The following ACTA2 variants were observed in gnomAD, a reference collection of about 807,000 sequenced individuals.
ACTA2 encodes actin alpha 2, smooth muscle, also known as actin, aortic smooth muscle.
A neutral mutation model predicts 39.5 loss-of-function variants in ACTA2; 12 were observed. That is an observed-to-expected ratio of 0.30 (90% CI 0.19 to 0.49). The LOEUF is 0.49. ACTA2 is among the 20% of genes least tolerant of loss of function. The pLI, the probability that ACTA2 is intolerant of heterozygous loss-of-function variation, is 0.99. For missense variants in ACTA2, 236 were observed against 498.8 expected (o/e 0.47, Z 5.02); for synonymous variants, 158 against 180.6 (o/e 0.88, Z 1.00).
At position 88,939,328 on chromosome 10, in the gene ACTA2, C is replaced by A. The variant is rs1436432847; in HGVS notation, c.808+179G>T. On this transcript the variant is annotated intron_variant, in intron 7 of 8. Coordinates refer to ENST00000224784, the MANE Select transcript of ACTA2 (RefSeq NM_001613.4). ...AGATAGTGTTTTCTTAGGAAGAAAA[C>A]CTTTTTCCTGGCCTCATTATGTCTT... 11 of 752,428 alleles carry A rather than the reference C, an allele frequency of 1.5e-5. No individual in the cohort carries two copies. In the East Asian group the frequency reaches 2.6e-4, roughly 18 times the overall value. The allele number at this position is 752,428 out of a possible 1,614,324, so 46.6% of individuals were successfully genotyped here. A position where few individuals can be genotyped will look rare whatever the true frequency, so the allele number is the denominator to read the frequency against.
chr10:88,941,497 T>A, intron 5 of ACTA2, 107 bp from the exon 6 acceptor site: 1 of 1,445,890 alleles, frequency 6.9e-7, no homozygotes, highest in South Asian at 1.2e-5. Context: ...GAGCCTCTTA[T>A]TTAAAAAGAG....
rs577253682 is a variant in ACTA2, at chr10:88,975,621, C to T, written c.-24+15318G>A. ...GGCCCTGACTACTTTTCCACTGGAT[C>T]GTAAGTTCCATGAGAGTAGGATTTT... On this transcript the variant is annotated intron_variant, in intron 1 of 4. Transcript: ENST00000415557. Among the ~76,000 whole-genome samples, 19 of 151,560 alleles carry T rather than the reference C, an allele frequency of 1.3e-4. No individual in the cohort carries two copies. In the East Asian group the frequency reaches 2.3e-3, roughly 19 times the overall value.
intron 1 of ACTA2, among the ~76,000 whole-genome samples, chr10:88,962,183 T>G (rs926641628): frequency 6.6e-6 from 1 of 152,194 alleles, no homozygotes; most frequent in African/African-American, 2.4e-5. Context: ...CCACTTTTTA[T>G]GAGAAGGTAG....
At chr10:88,976,833 T>A (rs1201868801) in intron 1 of ACTA2, among the ~76,000 whole-genome samples, 2 of 152,222 alleles carry the variant, frequency 1.3e-5, no homozygotes, top group Non-Finnish European at 2.9e-5. Context: ...GTTTGAAAAT[T>A]GAATAAAATA....
upstream of ACTA2, among the ~76,000 whole-genome samples, chr10:88,956,439 C>A (rs538070533): frequency 2.6e-5 from 4 of 152,268 alleles, no homozygotes; most frequent in East Asian, 1.9e-4. Flanking sequence ...CTTAGAAGGA[C>A]CTTCGTGAAT....
rs1847071251 is a variant in ACTA2, at chr10:88,990,030, G to C, written c.-24+909C>G. On this transcript the variant is annotated intron_variant, in intron 1 of 4. Transcript: ENST00000415557. This position sits in a 1 kb window ranked among gnomAD's most constrained non-coding sequence, Gnocchi z 4.9. ...TAAAGAAAATTGGCCAGGAAATAAT[G>C]AGTAACGAAGGACAGGAAGTAATTG... Among the ~76,000 whole-genome samples, 1 of 152,164 alleles carries C rather than the reference G, an allele frequency of 6.6e-6. No individual in the cohort carries two copies. Among genetic ancestry groups the C allele is most frequent in the Non-Finnish European group, 1.5e-5 (1 of 68,030 alleles).
intron 1 of ACTA2, among the ~76,000 whole-genome samples, chr10:88,989,128 A>G (rs1223281517): frequency 1.3e-5 from 2 of 152,170 alleles, no homozygotes; most frequent in East Asian, 1.9e-4. Flanking sequence ...TTATTTGTAA[A>G]GTAAGTTTAA....
At chr10:88,953,306 T>C (rs997749392), upstream of ACTA2, among the ~76,000 whole-genome samples, 3 of 152,136 alleles carry the variant, frequency 2.0e-5, no homozygotes, top group Admixed American at 1.3e-4. Context: ...TGTTTATAAA[T>C]CAAGTTCTTG....
chr10:88,989,412 A>T (rs199629461), intron 1 of ACTA2: 10 of 501,374 alleles, frequency 2.0e-5, no homozygotes, highest in African/African-American at 3.9e-5. Context: ...TGCAGAGATA[A>T]TACAGAGAAT....
At chr10:88,961,310 G>A (rs1846222945) in intron 1 of ACTA2, among the ~76,000 whole-genome samples, 1 of 152,298 alleles carries the variant, frequency 6.6e-6, no homozygotes, top group Middle Eastern at 3.4e-3. Flanking sequence ...AATTAAGTAA[G>A]TGGATGCAAG....
Position 88,935,240 on chromosome 10 carries a change from G to A in ACTA2, c.1117C>T (p.His373Tyr). ...EYDEAGPSIV[H>Y]RKCF ...AAAGTGTTTTAGAAGCATTTGCGGT[G>A]GACAATGGAAGGCCCGGCTTCATCG... The change falls in exon 9 of 9, where the codon CAC becomes TAC. Residue 373 changes from histidine (H) to tyrosine (Y), a missense_variant. Coordinates refer to ENST00000224784, the MANE Select transcript of ACTA2 (RefSeq NM_001613.4). 1.2e-6 allele frequency: 2 copies of A among 1,613,566 alleles called. No individual in the cohort carries two copies. The highest frequency in any genetic ancestry group is 1.7e-6 in the Non-Finnish European group (2 of 1,179,844).
At chr10:88,952,991 C>T (rs772062562), upstream of ACTA2, among the ~76,000 whole-genome samples, 4 of 152,258 alleles carry the variant, frequency 2.6e-5, no homozygotes, top group South Asian at 2.1e-4. Context: ...GCGGTTCAGC[C>T]GCCTGTGGGA....
intron 1 of ACTA2, among the ~76,000 whole-genome samples, chr10:88,961,415 CTT>C (rs1450423474): frequency 6.6e-6 from 1 of 152,212 alleles, no homozygotes; most frequent in Non-Finnish European, 1.5e-5. Flanking sequence ...TTTCCATCCT[CTT>C]GATATAGTAT....
At chr10:88,971,454 C>G (rs1846445532) in intron 1 of ACTA2, among the ~76,000 whole-genome samples, 2 of 152,198 alleles carry the variant, frequency 1.3e-5, no homozygotes, top group African/African-American at 4.8e-5. Context: ...AAGTTAGGAT[C>G]TGAGTGTTTG....
chr10:88,938,678 A>C (rs940096577), intron 7 of ACTA2, among the ~76,000 whole-genome samples: 9 of 113,438 alleles, frequency 7.9e-5, no homozygotes, highest in African/African-American at 3.4e-4. Context: ...AGGGAAACTT[A>C]CTCTATTTTT....
chr10:88,940,100 C>G lies in ACTA2; in HGVS notation c.617-402G>C. 1.1e-5 allele frequency: 3 copies of G among 272,230 alleles called. No homozygotes were observed. The South Asian group carries it at 1.2e-4, about 11-fold the overall frequency. 16.9% of individuals were successfully genotyped at this position (272,230 alleles called of 1,614,324 possible). On this transcript the variant is annotated intron_variant, in intron 6 of 8. Transcript: ENST00000224784. ...TTGTATTTTCAGTTAACCAGGATATCTTATGCTGAATCAGCTCCTCAGGGG... is the reference window on the plus strand; with the variant it reads ...TTGTATTTTCAGTTAACCAGGATATGTTATGCTGAATCAGCTCCTCAGGGG...
intron 4 of ACTA2, among the ~76,000 whole-genome samples, chr10:88,942,214 C>G (rs1398455386): frequency 6.6e-6 from 1 of 152,142 alleles, no homozygotes; most frequent in Non-Finnish European, 1.5e-5. Context: ...TTCCAGGTCT[C>G]TTAACAGAGG....
chr10:88,969,148 A>G (rs1384038762), intron 1 of ACTA2, among the ~76,000 whole-genome samples: 1 of 152,204 alleles, frequency 6.6e-6, no homozygotes, highest in Non-Finnish European at 1.5e-5. Context: ...GATCTTGATT[A>G]TTGAGGCAAG....
intron 1 of ACTA2, among the ~76,000 whole-genome samples, chr10:88,975,581 G>C (rs867870881): frequency 6.6e-6 from 1 of 152,104 alleles, no homozygotes; most frequent in Non-Finnish European, 1.5e-5. Context: ...GTGGGCTCTG[G>C]GCTTAGGAAA....
Sources: gnomAD v4.1 joint callset for allele counts (sites outside exome capture counted in the v4.1 genomes callset) on GRCh38, gnomAD v4.1.1 for gene constraint, Gnocchi (gnomAD v3.1) non-coding constraint, MANE v1.5 for transcripts, NCBI Gene and HGNC (gene_info 2026-07-23, HGNC 2026-07-21) for gene names.